Variants in SCN11A observed in about 807,000 individuals in gnomAD.
SCN11A encodes sodium voltage-gated channel alpha subunit 11, also known as sodium channel protein type 11 subunit alpha.
Under a neutral mutation model 162.2 loss-of-function variants are expected in SCN11A, and 122 were observed. The ratio of observed to expected loss-of-function variants is 0.75; its 90% CI spans 0.65 to 0.87. The LOEUF (loss-of-function observed/expected upper bound fraction) is 0.87, where lower values mean the gene tolerates loss of function less well. Ranked by LOEUF, SCN11A falls within the 40% of genes least tolerant of loss-of-function variation. SCN11A has a pLI of 0.00. For synonymous variants in SCN11A, 758 were observed against 751.5 expected, an observed-to-expected ratio of 1.01 and a Z score of -0.14; for missense variants, 2,015 against 2,181.6, an observed-to-expected ratio of 0.92 and a Z score of 1.52.
chr3:38,950,970 T>C (rs572334499), intron 4 of SCN11A, among the ~76,000 whole-genome samples: 8 of 152,194 alleles, frequency 5.3e-5, no homozygotes, highest in Non-Finnish European at 8.8e-5. Flanking sequence ...CCTAAGAAAG[T>C]GAGAGGTGAC....
chr3:38,897,207 C>G lies in SCN11A; in HGVS notation c.2041G>C (p.Ala681Pro). The change falls in exon 18 of 30, where the codon GCC (alanine) becomes CCC (proline). Residue 681 changes from alanine (A) to proline (P), a missense_variant. Ala to Pro is a conservative substitution (Grantham distance 27, BLOSUM62 -1). Transcript: ENST00000302328. ...GTGTTCAAAGTTGGCCAGGATTTGGCTAACTTGAAGACCCTGAGCTGTAGA... is the reference window on the plus strand; with the variant it reads ...GTGTTCAAAGTTGGCCAGGATTTGGGTAACTTGAAGACCCTGAGCTGTAGA... ...SFRVLRVFKL[A>P]KSWPTLNTLI... is the part of the protein sequence containing the mutation. The G allele has an allele frequency of 2.5e-6, 4 of 1,610,274 alleles. No homozygotes were observed. The highest frequency in any genetic ancestry group is 3.4e-6 in the Non-Finnish European group (4 of 1,178,158).
At chr3:39,041,769 T>A (rs1273936385) in intron 1 of SCN11A, among the ~76,000 whole-genome samples, 1 of 151,902 alleles carries the variant, frequency 6.6e-6, no homozygotes, top group African/African-American at 2.4e-5. Context: ...CAAAACTAAC[T>A]GATTGAAAAG....
intron 5 of SCN11A, 103 bp from the exon 6 acceptor site, chr3:38,947,010 A>G (rs1575325249): frequency 7.1e-6 from 5 of 706,434 alleles, no homozygotes; most frequent in Non-Finnish European, 1.2e-5. Flanking sequence ...AGAGAAAATT[A>G]TAACATAAAC....
chr3:38,985,865 C>G (rs1263246100), intron 2 of SCN11A, among the ~76,000 whole-genome samples: 6 of 150,860 alleles, frequency 4.0e-5, no homozygotes, highest in Non-Finnish European at 7.4e-5. Flanking sequence ...CTGGGTTCCT[C>G]CAGCTCATGA....
chr3:38,901,263 G>A (rs1344890186), intron 16 of SCN11A, among the ~76,000 whole-genome samples: 1 of 152,090 alleles, frequency 6.6e-6, no homozygotes, highest in African/African-American at 2.4e-5. Flanking sequence ...TAAATCCAGG[G>A]TAGAAAAATA....
intron 28 of SCN11A, among the ~76,000 whole-genome samples, chr3:38,861,417 A>C (rs1487708723): frequency 6.6e-6 from 1 of 152,180 alleles, no homozygotes; most frequent in Non-Finnish European, 1.5e-5. Context: ...GGAACCAAAA[A>C]AGAGCCTGCA....
At chr3:38,992,383 G>A (rs1456433987) in intron 2 of SCN11A, among the ~76,000 whole-genome samples, 2 of 152,138 alleles carry the variant, frequency 1.3e-5, no homozygotes, top group East Asian at 1.9e-4. Flanking sequence ...TTTATGCCTC[G>A]GAATATTGAT....
intron 4 of SCN11A, among the ~76,000 whole-genome samples, chr3:38,950,738 G>C (rs1452909475): frequency 6.6e-6 from 1 of 152,254 alleles, no homozygotes; most frequent in Non-Finnish European, 1.5e-5. Context: ...GGATCTGCAA[G>C]TAGCAGGCAA....
intron 1 of SCN11A, among the ~76,000 whole-genome samples, chr3:39,045,013 T>C (rs575516351): frequency 6.6e-6 from 1 of 152,068 alleles, no homozygotes; most frequent in East Asian, 1.9e-4. Context: ...TTAGAGACTA[T>C]TATGAACAAC....
At chr3:39,018,619 C>A (rs1465286775) in intron 2 of SCN11A, among the ~76,000 whole-genome samples, 1 of 152,060 alleles carries the variant, frequency 6.6e-6, no homozygotes, top group Admixed American at 6.6e-5. Context: ...GAGATCAAGA[C>A]CAGCCTGGCT....
At chr3:38,956,765 A>G (rs1158225520) in intron 3 of SCN11A, among the ~76,000 whole-genome samples, 2 of 152,228 alleles carry the variant, frequency 1.3e-5, no homozygotes, top group African/African-American at 4.8e-5. Flanking sequence ...TACAAATGCT[A>G]TAAATGTTAT....
rs55781629 is a variant in SCN11A at position 38,849,257 on chromosome 3, C to CTTTTTTT, written c.4327+1217_4327+1223dup. 15 of 69,858 alleles carry CTTTTTTT rather than the reference C, an allele frequency of 2.1e-4. 2 individuals carry two copies. Among genetic ancestry groups the CTTTTTTT allele is most frequent in the East Asian group, 4.9e-4 (1 of 2,026 alleles). 4.3% of individuals were successfully genotyped at this position (69,858 alleles called of 1,614,324 possible). A position where few individuals can be genotyped will look rare whatever the true frequency, so the allele number is the denominator to read the frequency against. On this transcript the variant is annotated intron_variant, in intron 29 of 29. Coordinates refer to ENST00000302328, the MANE Select transcript of SCN11A (RefSeq NM_001349253.2). Reference sequence around the variant, plus strand: ...GACATCTGACCACCATTTTCTAGCCCTTTTTTTTTTTTTTTTTTTTTTTTT... The same window carrying CTTTTTTT: ...GACATCTGACCACCATTTTCTAGCCCTTTTTTTTTTTTTTTTTTTTTTTTTTTTTTTT...
intron 7 of SCN11A, among the ~76,000 whole-genome samples, chr3:38,941,798 C>CA (rs34373633): frequency 1.4e-3 from 202 of 141,436 alleles, no homozygotes; most frequent in Middle Eastern, 3.5e-3. Flanking sequence ...ACAACAATGA[C>CA]AAAAAAAAAA....
intron 2 of SCN11A, among the ~76,000 whole-genome samples, chr3:39,029,632 C>T (rs2031694573): frequency 6.6e-6 from 1 of 152,226 alleles, no homozygotes; most frequent in Non-Finnish European, 1.5e-5. Context: ...CTCACATCTT[C>T]TCCTGTCTTC....
At chr3:38,930,863 A>C (rs1415351647) in intron 7 of SCN11A, among the ~76,000 whole-genome samples, 1 of 151,818 alleles carries the variant, frequency 6.6e-6, no homozygotes, top group Non-Finnish European at 1.5e-5. Context: ...CCCACACTTG[A>C]CTCCTGCCTC....
intron 2 of SCN11A, chr3:39,025,875 G>A (rs759093936): frequency 2.0e-5 from 3 of 152,036 alleles, no homozygotes; most frequent in Non-Finnish European, 2.9e-5. Context: ...AAGTTTCTCT[G>A]GTTCAAACGC....
chr3:38,927,299 G>C (rs1301977867), intron 7 of SCN11A, among the ~76,000 whole-genome samples: 1 of 152,144 alleles, frequency 6.6e-6, no homozygotes, highest in African/African-American at 2.4e-5. Context: ...ACAATGAAGA[G>C]AGTAAATGAC....
intron 2 of SCN11A, among the ~76,000 whole-genome samples, chr3:38,962,509 T>TG (rs2066748070): frequency 6.6e-6 from 1 of 152,182 alleles, no homozygotes; most frequent in African/African-American, 2.4e-5. Context: ...GCATGGGATG[T>TG]GTTTCCATTT....
At chr3:39,009,632 T>C (rs1232548000) in intron 2 of SCN11A, among the ~76,000 whole-genome samples, 1 of 144,672 alleles carries the variant, frequency 6.9e-6, no homozygotes, top group Non-Finnish European at 1.5e-5. Flanking sequence ...CATAGCATAC[T>C]AGATGGCTCA....
Sources: allele counts gnomAD v4.1 joint callset (sites outside exome capture counted in the v4.1 genomes callset), GRCh38; gene constraint gnomAD v4.1.1; transcripts MANE v1.5; gene names NCBI Gene and HGNC (gene_info 2026-07-23, HGNC 2026-07-21).